The following DPP6 variants were observed in gnomAD, a reference collection of about 807,000 sequenced individuals.
DPP6 encodes the protein dipeptidyl peptidase like 6.
DPP6 carries 69 observed loss-of-function variants against 122.6 expected under a neutral mutation model. The ratio of observed to expected loss-of-function variants is 0.56; its 90% CI spans 0.46 to 0.69. The LOEUF is 0.69. Ranked by LOEUF, DPP6 falls within the 30% of genes least tolerant of loss-of-function variation. The pLI, the probability that DPP6 is intolerant of heterozygous loss-of-function variation, is 0.00. For synonymous variants in DPP6, 418 were observed against 433.1 expected (o/e 0.97, Z 0.43); for missense variants, 928 against 1,116.9 (o/e 0.83, Z 2.41).
chr7:154,663,228 TATA>T (rs1586838880), intron 6 of DPP6, among the ~76,000 whole-genome samples: 5 of 67,502 alleles, frequency 7.4e-5, no homozygotes, highest in East Asian at 5.8e-4. Context: ...CTTGTGTTCA[TATA>T]GTCATGGTGA....
At chr7:153,806,040 C>T in the DPP6 span, among the ~76,000 whole-genome samples, 1 of 151,844 alleles carries the variant, frequency 6.6e-6, no homozygotes. Context: ...TTTCCTCCCT[C>T]GTTTCATCTG....
intron 1 of DPP6, among the ~76,000 whole-genome samples, chr7:154,279,988 A>G (rs1348454145): frequency 6.6e-6 from 1 of 152,222 alleles, no homozygotes; most frequent in African/African-American, 2.4e-5. Context: ...TTATTAGGAT[A>G]TAACTTGAAG....
At chr7:154,360,976 T>C (rs1288867691) in intron 1 of DPP6, among the ~76,000 whole-genome samples, 1 of 152,168 alleles carries the variant, frequency 6.6e-6, no homozygotes, top group African/African-American at 2.4e-5. Flanking sequence ...GATGCTGAAC[T>C]CCATGGGCCA....
At chr7:154,789,026 TC>T (rs368218860) in intron 10 of DPP6, among the ~76,000 whole-genome samples, 435 of 152,320 alleles carry the variant, frequency 2.9e-3, no homozygotes, top group African/African-American at 9.7e-3. Flanking sequence ...GACTTCCCTT[TC>T]CTTTATTCTG....
intron 10 of DPP6, among the ~76,000 whole-genome samples, chr7:154,782,034 C>T (rs946394692): frequency 5.3e-5 from 8 of 152,156 alleles, no homozygotes; most frequent in Admixed American, 2.0e-4. Context: ...AATGTAATAA[C>T]GTTTCCTCAG....
At position 154,344,062 on chromosome 7, in the gene DPP6, A is replaced by G. The variant is rs140003675; in HGVS notation, c.244-102152A>G. Among the ~76,000 whole-genome samples, 22 of 152,188 alleles carry G rather than the reference A, an allele frequency of 1.4e-4. No individual in the cohort carries two copies. The East Asian group carries it at 4.3e-3, about 29-fold the overall frequency. On this transcript the variant is annotated intron_variant, in intron 1 of 25. Transcript: ENST00000377770. ...TAAGTTCTTTTAAAAGAACCATGAC[A>G]TGGCAGAAGAAGAGACTGATGAAAG...
chr7:154,751,701 CAG>C (rs1178898659), intron 8 of DPP6, among the ~76,000 whole-genome samples: 2 of 152,050 alleles, frequency 1.3e-5, no homozygotes, highest in Non-Finnish European at 2.9e-5. Flanking sequence ...GCAGATAGGA[CAG>C]ACACATGTCC....
chr7:154,264,260 CACA>C (rs1211377597), intron 1 of DPP6, among the ~76,000 whole-genome samples: 1 of 152,040 alleles, frequency 6.6e-6, no homozygotes, highest in Non-Finnish European at 1.5e-5. Flanking sequence ...ATATTGAAAC[CACA>C]ACATGACATG....
At chr7:154,795,644 G>A (rs1049882390) in intron 11 of DPP6, among the ~76,000 whole-genome samples, 7 of 152,072 alleles carry the variant, frequency 4.6e-5, no homozygotes, top group Non-Finnish European at 8.8e-5. Flanking sequence ...GTTTGGCTCC[G>A]AGCCACGCAC....
At chr7:153,757,206 T>A in the DPP6 span, among the ~76,000 whole-genome samples, 1 of 152,242 alleles carries the variant, frequency 6.6e-6, no homozygotes, top group South Asian at 2.1e-4. Context: ...TTTCCTATTA[T>A]GGAGACATAA....
chr7:154,455,968 T>C (rs1424685594), intron 2 of DPP6, among the ~76,000 whole-genome samples: 1 of 152,172 alleles, frequency 6.6e-6, no homozygotes, highest in African/African-American at 2.4e-5. Flanking sequence ...TTAAGGACCA[T>C]ATTTTTACAA....
the DPP6 span, among the ~76,000 whole-genome samples, chr7:153,755,065 CT>C: frequency 0.35 from 53,501 of 151,850 alleles, 11,856 homozygotes; most frequent in East Asian, 0.64. Flanking sequence ...TTAAAATGTC[CT>C]TGTATGTTGA....
intron 1 of DPP6, among the ~76,000 whole-genome samples, chr7:154,362,176 C>T (rs1811786058): frequency 6.6e-6 from 1 of 152,218 alleles, no homozygotes; most frequent in African/African-American, 2.4e-5. Flanking sequence ...GAACTGAAGT[C>T]AATAGCTGGT....
chr7:154,291,438 C>T (rs1242908161), intron 1 of DPP6, among the ~76,000 whole-genome samples: 1 of 152,206 alleles, frequency 6.6e-6, no homozygotes, highest in South Asian at 2.1e-4. Flanking sequence ...CCAGTTCTTG[C>T]ATCAGCGAGG....
intron 5 of DPP6, among the ~76,000 whole-genome samples, chr7:154,603,079 G>T (rs1425283539): frequency 8.4e-6 from 1 of 119,600 alleles, no homozygotes; most frequent in Non-Finnish European, 1.9e-5. Context: ...GGCTAGCTTA[G>T]TTTCTGAGGG....
intron 3 of DPP6, among the ~76,000 whole-genome samples, chr7:154,508,592 C>T (rs12530486): frequency 6.6e-6 from 1 of 152,020 alleles, no homozygotes; most frequent in Non-Finnish European, 1.5e-5. Context: ...GGAAATGTAG[C>T]CTAGTTGAGT....
intron 1 of DPP6, among the ~76,000 whole-genome samples, chr7:154,013,266 G>T (rs1798232454): frequency 6.6e-6 from 1 of 152,104 alleles, no homozygotes; most frequent in Non-Finnish European, 1.5e-5. Context: ...GAGGAAGCCT[G>T]GTTACTCATG....
intron 7 of DPP6, among the ~76,000 whole-genome samples, chr7:154,682,947 C>T (rs1172573331): frequency 2.0e-5 from 3 of 151,846 alleles, no homozygotes; most frequent in African/African-American, 7.3e-5. Flanking sequence ...GTGGGTTTTA[C>T]TTTTGTTCTT....
At chr7:154,223,050 G>A (rs10267718) in intron 1 of DPP6, among the ~76,000 whole-genome samples, 5,156 of 149,054 alleles carry the variant, frequency 0.035, 912 homozygotes, top group African/African-American at 0.13. Context: ...AAATTGTTGA[G>A]GTAGAACAGA....
Sources: allele counts gnomAD v4.1 joint callset (sites outside exome capture counted in the v4.1 genomes callset), GRCh38; gene constraint gnomAD v4.1.1; transcripts MANE v1.5; gene names NCBI Gene and HGNC (gene_info 2026-07-23, HGNC 2026-07-21).